JPH1: variants seen among roughly 807,000 people sequenced by gnomAD.
JPH1 encodes junctophilin 1, also known as junctophilin-1.
Under a neutral mutation model 53.6 loss-of-function variants are expected in JPH1, and 12 were observed. The observed-to-expected ratio is 0.22, with a 90% CI of 0.14 to 0.36. The LOEUF is 0.36. JPH1 is among the 10% of genes least tolerant of loss of function. The pLI is 1.00. For synonymous variants in JPH1, 375 were observed against 363.8 expected, an observed-to-expected ratio of 1.03 and a Z score of -0.35; for missense variants, 808 against 905.5, an observed-to-expected ratio of 0.89 and a Z score of 1.38.
Position 74,320,752 on chromosome 8 carries a change from G to A in JPH1, c.379+157C>T, listed in dbSNP as rs1287018401. On this transcript the variant is annotated intron_variant, in intron 1 of 5. Transcript: ENST00000342232. This position sits in a 1 kb window ranked among gnomAD's most constrained non-coding sequence, Gnocchi z 4.4. ...AGTCCGGTCCCAGCGCCCTCTCTGG[G>A]AAAGGCGGGCGCGGGCGCGGGGGTG... 6.6e-6 allele frequency among the ~76,000 whole-genome samples: 1 copy of A among 152,154 alleles called. No individual in the cohort carries two copies. The highest frequency in any genetic ancestry group is 1.5e-5 in the Non-Finnish European group (1 of 68,002).
chr8:74,269,229 C>T (rs1445204909), intron 2 of JPH1, among the ~76,000 whole-genome samples: 2 of 152,224 alleles, frequency 1.3e-5, no homozygotes, highest in African/African-American at 2.4e-5. Flanking sequence ...ACAGTATGAA[C>T]ATGAACTTGC....
intron 2 of JPH1, among the ~76,000 whole-genome samples, chr8:74,292,040 G>A (rs992259433): frequency 6.6e-6 from 1 of 152,140 alleles, no homozygotes; most frequent in Non-Finnish European, 1.5e-5. Context: ...GTGGGGGAGG[G>A]GGCAGGGATA....
At chr8:74,276,582 T>C (rs770083915) in intron 2 of JPH1, among the ~76,000 whole-genome samples, 7 of 152,250 alleles carry the variant, frequency 4.6e-5, no homozygotes, top group African/African-American at 7.2e-5. Flanking sequence ...CGAGTGCTTA[T>C]TATATGCCAG....
At position 74,244,971 on chromosome 8, in the gene JPH1, G is replaced by C. The variant is rs750325746; in HGVS notation, c.1463C>G (p.Pro488Arg). The change falls in exon 4 of 6, where the codon CCC becomes CGC. Residue 488 changes from proline (P) to arginine (R), a missense_variant. Physicochemically the swap from Pro to Arg is moderately radical, Grantham distance 103 (BLOSUM62 -2). Around this residue, in one of 2 missense-constraint regions of JPH1, gnomAD observed 756 missense variants for 811.9 expected, o/e 0.93. Transcript: ENST00000342232. ...TTGGTTGAGTCTCGCCCCTGAGCTG[G>C]GGTTTTGCTTCTTCAGGGGCTTTGG... ...SSPKPLKKQN[P>R]SSGARLNQDK... 8 of 1,613,952 alleles carry C rather than the reference G, an allele frequency of 5.0e-6. No homozygotes were observed. The highest frequency in any genetic ancestry group is 6.8e-6 in the Non-Finnish European group (8 of 1,180,030).
intron 2 of JPH1, among the ~76,000 whole-genome samples, chr8:74,309,122 T>C (rs1465505152): frequency 1.3e-5 from 2 of 152,106 alleles, no homozygotes; most frequent in Admixed American, 6.6e-5. Flanking sequence ...GTGCCAGTAA[T>C]GGTCAGGGAG....
chr8:74,268,447 G>C (rs1331173699), intron 2 of JPH1, among the ~76,000 whole-genome samples: 1 of 152,048 alleles, frequency 6.6e-6, no homozygotes, highest in Non-Finnish European at 1.5e-5. Context: ...CAGAGTTCTG[G>C]GTAGGAAGGA....
At chr8:74,237,837 T>C (rs1255926048) in intron 4 of JPH1, among the ~76,000 whole-genome samples, 1 of 152,230 alleles carries the variant, frequency 6.6e-6, no homozygotes, top group Non-Finnish European at 1.5e-5. Flanking sequence ...AAGTAAAAGC[T>C]GTAAGTGAGA....
rs1182556517 is a variant in JPH1 at position 74,315,287 on chromosome 8, G to C, written c.713C>G (p.Ser238Cys). The stretch of plus-strand genomic sequence containing the variant: ...GCTCATGGCCGCGTCGCTGCGGACA[G>C]AGCTGCGCTTGCTCGAGATGGAAGA... ...SKSSISSKRS[S>C]VRSDAAMSRI... Residue 238 changes from serine to cysteine, a missense_variant, in exon 2 of 6, where the codon TCT (serine) becomes TGT (cysteine). Physicochemically the swap from Ser to Cys is moderately radical, Grantham distance 112. This residue lies in a region of JPH1 where 756 missense variants were observed against 811.9 expected (regional missense o/e 0.93). Transcript: ENST00000342232. This position sits in a 1 kb window ranked among gnomAD's most constrained non-coding sequence, Gnocchi z 6.3. The C allele has an allele frequency of 6.2e-7, 1 of 1,614,152 alleles. No homozygotes were observed. Among genetic ancestry groups the C allele is most frequent in the East Asian group, 2.2e-5 (1 of 44,890 alleles).
intron 2 of JPH1, among the ~76,000 whole-genome samples, chr8:74,313,353 T>C (rs1023568064): frequency 2.0e-5 from 3 of 152,158 alleles, no homozygotes; most frequent in Non-Finnish European, 4.4e-5. Context: ...AGATGCCTGG[T>C]AGAGAAGACA....
intron 2 of JPH1, among the ~76,000 whole-genome samples, chr8:74,313,616 T>A (rs1010725891): frequency 2.0e-5 from 3 of 151,694 alleles, no homozygotes; most frequent in Non-Finnish European, 4.4e-5. Context: ...TTTTTTTTTG[T>A]ACATTAAAAA....
chr8:74,246,702 C>T (rs1000162499), intron 3 of JPH1, among the ~76,000 whole-genome samples: 8 of 152,144 alleles, frequency 5.3e-5, no homozygotes, highest in African/African-American at 1.2e-4. Context: ...CACCCACCAT[C>T]GCAAGTTATA....
rs528814320 is a variant in JPH1 at position 74,236,657 on chromosome 8, CA to C, written c.*393del. The stretch of plus-strand genomic sequence containing the variant: ...TAGTAAGGCAGCTGTTGACTTCCAT[CA>C]AAAAAAAAAAAAAAATGCAGCTCCA... On this transcript the variant is annotated 3_prime_UTR_variant, in exon 6 of 6. Transcript: ENST00000342232. The C allele has an allele frequency of 0.046, 6,470 of 139,322 alleles. 405 individuals carry two copies. Among genetic ancestry groups the C allele is most frequent in the African/African-American group, 0.15 (5,713 of 37,214 alleles). The allele number at this position is 139,322 out of a possible 1,614,324, so 8.6% of individuals were successfully genotyped here.
chr8:74,265,852 C>T (rs772376708), intron 2 of JPH1, among the ~76,000 whole-genome samples: 16 of 151,510 alleles, frequency 1.1e-4, no homozygotes, highest in Non-Finnish European at 1.9e-4. Flanking sequence ...GTCCAATAAG[C>T]ACTTAAAAAG....
chr8:74,290,181 A>C (rs1807282344), intron 2 of JPH1, among the ~76,000 whole-genome samples: 1 of 152,150 alleles, frequency 6.6e-6, no homozygotes, highest in African/African-American at 2.4e-5. Flanking sequence ...ATAAAGGAAA[A>C]GAGGAAGTCA....
Position 74,244,968 on chromosome 8 carries a change from C to G in JPH1, c.1466G>C (p.Ser489Thr). The G allele has an allele frequency of 7.4e-6, 12 of 1,614,068 alleles. No homozygotes were observed. The highest frequency in any genetic ancestry group is 1.0e-5 in the Non-Finnish European group (12 of 1,180,010). ...SPKPLKKQNP[S>T]SGARLNQDKR... ...GTCTTGGTTGAGTCTCGCCCCTGAG[C>G]TGGGGTTTTGCTTCTTCAGGGGCTT... Residue 489 changes from serine to threonine, a missense_variant, in exon 4 of 6, where the codon AGC becomes ACC. By Grantham distance (58) the Ser-to-Thr change is moderately conservative. Coordinates refer to ENST00000342232, the MANE Select transcript of JPH1 (RefSeq NM_020647.4).
chr8:74,260,109 C>CAA (rs1806348301), intron 2 of JPH1, among the ~76,000 whole-genome samples: 1 of 152,178 alleles, frequency 6.6e-6, no homozygotes, highest in African/African-American at 2.4e-5. Context: ...CCAGCAGGAG[C>CAA]AAACCACAAG....
intron 2 of JPH1, among the ~76,000 whole-genome samples, chr8:74,296,631 A>G (rs981288314): frequency 6.6e-6 from 1 of 152,350 alleles, no homozygotes. Context: ...CCTATTTTAA[A>G]TTCTTAAAGG....
intron 2 of JPH1, among the ~76,000 whole-genome samples, chr8:74,293,016 A>G (rs1407931123): frequency 2.6e-5 from 4 of 152,200 alleles, no homozygotes; most frequent in African/African-American, 9.6e-5. Flanking sequence ...AGCCTTTGGG[A>G]ACGTCAAACA....
chr8:74,314,935 C>T lies in JPH1; in HGVS notation c.1065G>A (p.Lys355=). The T allele has an allele frequency of 6.2e-7, 1 of 1,614,216 alleles. No individual in the cohort carries two copies. The highest frequency in any genetic ancestry group is 8.5e-7 in the Non-Finnish European group (1 of 1,180,044). The change falls in exon 2 of 6, where the codon AAG becomes AAA. Residue 355 remains lysine, a synonymous_variant. Transcript: ENST00000342232. ...GGGCGCCTTCAATTGCTCTGTCCAC[C>T]TTCTCCCTAGTTTTTGTATGTCTTA... ...IPIRHTKTRE[K]VDRAIEGAQR...
Sources: gnomAD v4.1 joint callset for allele counts (sites outside exome capture counted in the v4.1 genomes callset) on GRCh38, gnomAD v4.1.1 for gene constraint, gnomAD v4.1.1 regional missense constraint, Gnocchi (gnomAD v3.1) non-coding constraint, MANE v1.5 for transcripts, NCBI Gene and HGNC (gene_info 2026-07-23, HGNC 2026-07-21) for gene names.